KAZN: variants seen among roughly 807,000 people sequenced by gnomAD.
The protein encoded by KAZN is kazrin, periplakin interacting protein.
A neutral mutation model predicts 87.4 loss-of-function variants in KAZN; 40 were observed. The ratio of observed to expected loss-of-function variants is 0.46; its 90% CI spans 0.36 to 0.60. The LOEUF is 0.60. Ranked by LOEUF, KAZN falls within the 20% of genes least tolerant of loss-of-function variation. The pLI is 0.00. For synonymous variants in KAZN, 466 were observed against 458.3 expected, an observed-to-expected ratio of 1.02 and a Z score of -0.22; for missense variants, 898 against 1,073.9, an observed-to-expected ratio of 0.84 and a Z score of 2.29.
At chr1:13,975,859 G>T (rs904020613) in intron 1 of KAZN, among the ~76,000 whole-genome samples, 3 of 152,222 alleles carry the variant, frequency 2.0e-5, no homozygotes, top group African/African-American at 7.2e-5. Context: ...TACACGCATA[G>T]TAAACCCAGC....
chr1:14,189,045 C>T (rs956056561), intron 2 of KAZN, among the ~76,000 whole-genome samples: 1 of 152,070 alleles, frequency 6.6e-6, no homozygotes, highest in African/African-American at 2.4e-5. Context: ...TGCTAAGTGT[C>T]GTCATTTAAA....
In KAZN at chr1:14,774,566, G is replaced by A. The variant is rs909839072; in HGVS notation, c.226+175343G>A. On this transcript the variant is annotated intron_variant, in intron 1 of 14. Transcript: ENST00000376030. ...GCTCACTGTAACCTTGACCTCCTGG[G>A]CTCAGGCCATCCTCCCATCTCAGCC... is the stretch of plus-strand genomic sequence containing the variant. Among the ~76,000 whole-genome samples, 3 of 151,588 alleles carry A rather than the reference G, an allele frequency of 2.0e-5. No homozygotes were observed. The South Asian group carries it at 6.3e-4, about 32-fold the overall frequency.
At chr1:14,030,569 A>C (rs975117236) in intron 1 of KAZN, among the ~76,000 whole-genome samples, 1 of 152,012 alleles carries the variant, frequency 6.6e-6, no homozygotes, top group Admixed American at 6.6e-5. Context: ...ACCCTAAAAC[A>C]TAAAGTATAA....
chr1:14,124,253 G>A (rs563714745), intron 1 of KAZN: 11 of 152,276 alleles, frequency 7.2e-5, no homozygotes, highest in African/African-American at 2.4e-4. Flanking sequence ...GACGCTTCAC[G>A]AATTGGTGTA....
At chr1:14,131,107 G>T (rs1644983224) in intron 1 of KAZN, among the ~76,000 whole-genome samples, 1 of 152,156 alleles carries the variant, frequency 6.6e-6, no homozygotes, top group Non-Finnish European at 1.5e-5. Context: ...ATGGCCAGCA[G>T]GAGAGGGAGA....
intron 1 of KAZN, among the ~76,000 whole-genome samples, chr1:14,643,495 A>AT (rs1680561837): frequency 6.6e-6 from 1 of 152,228 alleles, no homozygotes; most frequent in African/African-American, 2.4e-5. Context: ...TGCAAAAGAC[A>AT]TGATCTCGTT....
At chr1:14,374,948 A>C (rs1008115793) in intron 2 of KAZN, among the ~76,000 whole-genome samples, 2 of 152,196 alleles carry the variant, frequency 1.3e-5, no homozygotes, top group African/African-American at 4.8e-5. Context: ...TTTTCAAAGA[A>C]TTAAAGTCCA....
intron 1 of KAZN, among the ~76,000 whole-genome samples, chr1:14,057,349 G>C (rs886732801): frequency 2.6e-5 from 4 of 152,002 alleles, no homozygotes; most frequent in Admixed American, 6.6e-5. Context: ...TGGTCAGGCT[G>C]GTCTCGAACT....
intron 2 of KAZN, among the ~76,000 whole-genome samples, chr1:14,584,106 C>A (rs1202835068): frequency 1.3e-5 from 2 of 152,190 alleles, no homozygotes; most frequent in Non-Finnish European, 2.9e-5. Flanking sequence ...AAATCACTCC[C>A]CCAGCCCTGG....
intron 2 of KAZN, among the ~76,000 whole-genome samples, chr1:14,393,467 C>G (rs891477562): frequency 1.4e-4 from 21 of 152,260 alleles, no homozygotes; most frequent in Admixed American, 1.2e-3. Flanking sequence ...TGAGGATCCT[C>G]TGTGTGCCTT....
intron 1 of KAZN, among the ~76,000 whole-genome samples, chr1:14,066,079 A>G (rs1642997386): frequency 6.6e-6 from 1 of 152,132 alleles, no homozygotes; most frequent in South Asian, 2.1e-4. Context: ...AATATACAGT[A>G]TTTGGTTTTC....
chr1:14,115,433 TAA>T (rs1205131799), intron 1 of KAZN, among the ~76,000 whole-genome samples: 1 of 152,212 alleles, frequency 6.6e-6, no homozygotes, highest in Non-Finnish European at 1.5e-5. Flanking sequence ...TGATAGTGAA[TAA>T]GTCTTATGAG....
chr1:14,535,136 T>C (rs564369649), intron 2 of KAZN, among the ~76,000 whole-genome samples: 4 of 152,304 alleles, frequency 2.6e-5, no homozygotes, highest in Admixed American at 1.3e-4. Context: ...TCAGAGTCCA[T>C]GAATGTCCTG....
At chr1:14,154,781 C>T (rs187223133) in intron 1 of KAZN, among the ~76,000 whole-genome samples, 14 of 152,276 alleles carry the variant, frequency 9.2e-5, no homozygotes, top group African/African-American at 2.9e-4. Flanking sequence ...ATTCTGGTGA[C>T]ATTATGCATC....
At chr1:14,627,245 G>A (rs916814021) in intron 1 of KAZN, among the ~76,000 whole-genome samples, 3 of 151,994 alleles carry the variant, frequency 2.0e-5, no homozygotes, top group South Asian at 2.1e-4. Context: ...GGGGCCAAGC[G>A]TCTCAGCATC....
chr1:14,355,850 C>T (rs185230628), intron 2 of KAZN, among the ~76,000 whole-genome samples: 18 of 152,208 alleles, frequency 1.2e-4, no homozygotes, highest in Admixed American at 2.6e-4. Context: ...TTTGGGTTGG[C>T]TCCAAGTCTT....
At chr1:14,134,858 A>C (rs1645070476) in intron 1 of KAZN, among the ~76,000 whole-genome samples, 1 of 152,090 alleles carries the variant, frequency 6.6e-6, no homozygotes, top group Non-Finnish European at 1.5e-5. Context: ...AAAGACAGAA[A>C]AATTACCCAT....
chr1:13,997,134 T>G (rs1639560115), intron 1 of KAZN, among the ~76,000 whole-genome samples: 1 of 151,202 alleles, frequency 6.6e-6, no homozygotes, highest in Admixed American at 6.6e-5. Context: ...ACTTGACCAT[T>G]GAAAGAAAAA....
chr1:14,957,361 A>G (rs893875834), intron 1 of KAZN, among the ~76,000 whole-genome samples: 4 of 152,204 alleles, frequency 2.6e-5, no homozygotes, highest in African/African-American at 9.6e-5. Context: ...GGTATGAGGC[A>G]GGGGCCTCTC....
Sources: gnomAD v4.1 joint callset for allele counts (sites outside exome capture counted in the v4.1 genomes callset) on GRCh38, gnomAD v4.1.1 for gene constraint, MANE v1.5 for transcripts, NCBI Gene and HGNC (gene_info 2026-07-23, HGNC 2026-07-21) for gene names.